UBAP2L: variants seen among roughly 807,000 people sequenced by gnomAD.
The protein encoded by UBAP2L is ubiquitin associated protein 2 like.
In UBAP2L, 12 loss-of-function variants were observed where a neutral mutation model predicts 130.6. The ratio of observed to expected loss-of-function variants is 0.09; its 90% confidence interval spans 0.06 to 0.15. UBAP2L has a LOEUF of 0.15. Ranked by LOEUF, UBAP2L falls within the 10% of genes least tolerant of loss-of-function variation. UBAP2L has a pLI of 1.00. For missense variants in UBAP2L, 965 were observed against 1,332.5 expected (o/e 0.72, Z 4.29); for synonymous variants, 503 against 524.7 (o/e 0.96, Z 0.57).
rs764740155 is a variant in UBAP2L at position 154,251,665 on chromosome 1, A to G, written c.1664+12A>G. ...ACCAGCACGGCCAGGTAGAGGAAAC[A>G]TTAACCATAAGACCTCTCTTATTAA... On this transcript the variant is annotated intron_variant, in intron 14 of 26. Coordinates refer to ENST00000428931, the MANE Select transcript of UBAP2L (RefSeq NM_014847.4). 6 of 1,613,704 alleles carry G rather than the reference A, an allele frequency of 3.7e-6. No individual in the cohort carries two copies. The highest frequency in any genetic ancestry group is 1.7e-5 in the Admixed American group (1 of 59,874).
In UBAP2L at chr1:154,251,151, G is replaced by T; in HGVS notation, c.1324G>T (p.Val442Leu). ...EVFLQEKSPAVATSTAAPPPP... is the reference protein window; with the variant it reads ...EVFLQEKSPALATSTAAPPPP... ...GTTCCTTCAGGAGAAGTCACCTGCAGTGGCTACCTCCACAGCTGCACCTCC... is the reference window on the plus strand; with the variant it reads ...GTTCCTTCAGGAGAAGTCACCTGCATTGGCTACCTCCACAGCTGCACCTCC... Residue 442 changes from valine to leucine, a missense_variant, in exon 13 of 27, where the codon GTG becomes TTG. By Grantham distance (32) the Val-to-Leu change is conservative. Coordinates refer to ENST00000428931, the MANE Select transcript of UBAP2L (RefSeq NM_014847.4). 6.2e-7 allele frequency: 1 copy of T among 1,614,124 alleles called. No individual in the cohort carries two copies. The highest frequency in any genetic ancestry group is 8.5e-7 in the Non-Finnish European group (1 of 1,180,026).
chr1:154,246,456 C>T, intron 11 of UBAP2L, 81 bp downstream of exon 11: 1 of 1,478,378 alleles, frequency 6.8e-7, no homozygotes, highest in Non-Finnish European at 9.1e-7. Flanking sequence ...CAAAGACAGT[C>T]AGGTTTTTGG....
chr1:154,253,048 G>C (rs1468504638), intron 14 of UBAP2L, among the ~76,000 whole-genome samples: 1 of 151,990 alleles, frequency 6.6e-6, no homozygotes, highest in Non-Finnish European at 1.5e-5. Flanking sequence ...TTGTCACACA[G>C]GCTGGAGTGC....
intron 6 of UBAP2L, among the ~76,000 whole-genome samples, chr1:154,235,540 C>T (rs985140499): frequency 3.9e-5 from 6 of 151,926 alleles, no homozygotes; most frequent in Non-Finnish European, 8.8e-5. Context: ...GATGGAGTCT[C>T]GCACTGTCAC....
At chr1:154,230,587 G>A (rs1014523990) in intron 4 of UBAP2L, among the ~76,000 whole-genome samples, 10 of 152,074 alleles carry the variant, frequency 6.6e-5, no homozygotes, top group Non-Finnish European at 1.0e-4. Flanking sequence ...ATCAGGTGGG[G>A]CTATTTATGT....
chr1:154,240,336 A>G (rs866913198), intron 8 of UBAP2L, among the ~76,000 whole-genome samples: 2 of 152,066 alleles, frequency 1.3e-5, no homozygotes, highest in Admixed American at 1.3e-4. Context: ...ATATATGTAT[A>G]CATGAAGCAC....
In UBAP2L at chr1:154,227,274, A is replaced by T. The variant is rs1467834099; in HGVS notation, c.91-8A>T. ...ATTATGCTTTCTTGATCTCATCTCA[A>T]TTCCTAGGCCACTGCAGAACAAATT... On this transcript the variant is annotated splice_polypyrimidine_tract_variant and splice_region_variant and intron_variant, in intron 2 of 26. Transcript: ENST00000428931. 4 of 1,612,908 alleles carry T rather than the reference A, an allele frequency of 2.5e-6. No homozygotes were observed. Among genetic ancestry groups the T allele is most frequent in the East Asian group, 4.5e-5 (2 of 44,860 alleles).
intron 24 of UBAP2L, among the ~76,000 whole-genome samples, chr1:154,265,629 T>C (rs1683022964): frequency 1.3e-5 from 2 of 152,166 alleles, no homozygotes; most frequent in Non-Finnish European, 2.9e-5. Context: ...TATGAGTATT[T>C]ATTTGTTTGA....
intron 4 of UBAP2L, among the ~76,000 whole-genome samples, chr1:154,231,398 T>G (rs1669793930): frequency 6.6e-6 from 1 of 151,556 alleles, no homozygotes; most frequent in African/African-American, 2.4e-5. Context: ...CCTCCTGGGC[T>G]CAAGCGTTTT....
In UBAP2L at chr1:154,237,108, T is replaced by G. The variant is rs35699480; in HGVS notation, c.675T>G (p.Thr225=). The stretch of plus-strand genomic sequence containing the variant: ...GCAGCGGCAATACGTGGAACAACAC[T>G]GGCCACTTTGAACCAGATGATGGGA... ...GNSSGNTWNN[T]GHFEPDDGTS... is the part of the protein sequence containing the mutation. The change falls in exon 8 of 27, where the codon ACT becomes ACG. Residue 225 remains threonine, a synonymous_variant. Coordinates refer to ENST00000428931, the MANE Select transcript of UBAP2L (RefSeq NM_014847.4). 18 of 1,614,030 alleles carry G rather than the reference T, an allele frequency of 1.1e-5. No individual in the cohort carries two copies. In the African/African-American group the frequency reaches 2.4e-4, roughly 22 times the overall value.
At chr1:154,254,663 C>T in intron 15 of UBAP2L, 173 bp from the exon 16 acceptor site, 1 of 655,676 alleles carries the variant, frequency 1.5e-6, no homozygotes, top group Admixed American at 3.2e-5. Flanking sequence ...AATTTTTGTT[C>T]CTATTTTGGT....
rs200589234 is a variant in UBAP2L at position 154,246,230 on chromosome 1, A to C, written c.869A>C (p.Lys290Thr). The change falls in exon 11 of 27, where the codon AAG (lysine) becomes ACG (threonine). Residue 290 changes from lysine (K) to threonine (T), a missense_variant. By Grantham distance (78) the Lys-to-Thr change is moderately conservative. This residue lies in a region of UBAP2L where 99 missense variants were observed against 106.4 expected (regional missense o/e 0.93). Transcript: ENST00000428931. ...QRIDLAVLLG[K>T]TPSTMENDSS... ...ATTGACCTTGCTGTTCTGCTGGGGA[A>C]GACACCATCTACAATGGAGAATGAT... 10 of 1,612,570 alleles carry C rather than the reference A, an allele frequency of 6.2e-6. No individual in the cohort carries two copies. Among genetic ancestry groups the C allele is most frequent in the Non-Finnish European group, 1.7e-6 (2 of 1,178,966 alleles).
chr1:154,242,919 T>G, intron 9 of UBAP2L: 4 of 180,194 alleles, frequency 2.2e-5, no homozygotes, highest in Non-Finnish European at 4.6e-5. Context: ...TATAGAGGGA[T>G]TTTCTTTCTT....
intron 7 of UBAP2L, 36 bp from the exon 8 acceptor site, chr1:154,236,988 T>C (rs1435203758): frequency 6.5e-7 from 1 of 1,537,150 alleles, no homozygotes; most frequent in Non-Finnish European, 9.0e-7. Flanking sequence ...CAAAGCTGCT[T>C]AGAGGTCAGA....
chr1:154,251,099 T>C lies in UBAP2L; in HGVS notation c.1272T>C (p.Phe424=). 2 of 1,614,152 alleles carry C rather than the reference T, an allele frequency of 1.2e-6. No individual in the cohort carries two copies. The highest frequency in any genetic ancestry group is 1.7e-6 in the Non-Finnish European group (2 of 1,180,040). The change falls in exon 13 of 27, where the codon TTT becomes TTC. Residue 424 remains phenylalanine (F), a synonymous_variant. Coordinates refer to ENST00000428931, the MANE Select transcript of UBAP2L (RefSeq NM_014847.4). ...GCCCCTTTACAAAGCGCCAGGCTTT[T>C]ACCCCATCTTCAACCATGATGGAGG... The part of the protein sequence containing the change: ...VHSPFTKRQA[F]TPSSTMMEVF...
In UBAP2L at chr1:154,270,454, A is replaced by G. The variant is rs1684502464; in HGVS notation, c.*159A>G. On this transcript the variant is annotated 3_prime_UTR_variant, in exon 27 of 27. Coordinates refer to ENST00000428931, the MANE Select transcript of UBAP2L (RefSeq NM_014847.4). ...TCAGCTTCATGTCTGTCCCATTCCT[A>G]TACCATCCCCACCCTGTTGTATGTA... 4.6e-6 allele frequency: 7 copies of G among 1,525,756 alleles called. No homozygotes were observed. The highest frequency in any genetic ancestry group is 5.2e-6 in the Non-Finnish European group (6 of 1,143,462). The allele number at this position is 1,525,756 out of a possible 1,614,324, so 94.5% of individuals were successfully genotyped here. A position where few individuals can be genotyped will look rare whatever the true frequency, so the allele number is the denominator to read the frequency against.
In UBAP2L at chr1:154,261,648, C is replaced by A; in HGVS notation, c.2853C>A (p.Ala951=). The change falls in exon 24 of 27, where the codon GCC becomes GCA. Residue 951 remains alanine, a synonymous_variant. Transcript: ENST00000428931. ...TGAATGTCAGTGTGAATGCATCGGC[C>A]ACCCCTTTCCAACAGCCGAGTGGAT... ...HGVNVSVNAS[A]TPFQQPSGYG... is the part of the protein sequence containing the mutation. 1 of 1,614,094 alleles carries A rather than the reference C, an allele frequency of 6.2e-7. No individual in the cohort carries two copies. The highest frequency in any genetic ancestry group is 8.5e-7 in the Non-Finnish European group (1 of 1,180,018).
chr1:154,237,188 GT>G, intron 8 of UBAP2L, 52 bp downstream of exon 8: 1 of 1,502,308 alleles, frequency 6.7e-7, no homozygotes, highest in South Asian at 1.1e-5. Flanking sequence ...TAAGGAAATA[GT>G]TTTTTCTGAT....
chr1:154,270,770 G>GGT lies in UBAP2L; in HGVS notation c.*475_*476insGT, dbSNP rs1684586554. 2 of 920,448 alleles carry GGT rather than the reference G, an allele frequency of 2.2e-6. No homozygotes were observed. Among genetic ancestry groups the GGT allele is most frequent in the South Asian group, 2.9e-5 (1 of 34,236 alleles). 57.0% of individuals were successfully genotyped at this position (920,448 alleles called of 1,614,324 possible). On this transcript the variant is annotated 3_prime_UTR_variant, in exon 27 of 27. Transcript: ENST00000428931. ...AATTAGTTGAAGTGGTTTTTTTTTT[G>GGT]TTTTTTTTTTTTTTTTGTACTGTGT...
Sources: allele counts gnomAD v4.1 joint callset (sites outside exome capture counted in the v4.1 genomes callset), GRCh38; gene constraint gnomAD v4.1.1; regional missense constraint gnomAD v4.1.1; transcripts MANE v1.5; gene names NCBI Gene and HGNC (gene_info 2026-07-23, HGNC 2026-07-21).